The following GATA4 variants were observed in gnomAD, a reference collection of about 807,000 sequenced individuals.
The protein encoded by GATA4 is transcription factor GATA-4.
GATA4 carries 7 observed loss-of-function variants against 37.9 expected under a neutral mutation model. The observed-to-expected ratio is 0.18, with a 90% confidence interval of 0.11 to 0.35. The LOEUF is 0.35. Ranked by LOEUF, GATA4 falls within the 10% of genes least tolerant of loss-of-function variation. The pLI is 1.00. For missense variants in GATA4, 647 were observed against 653.0 expected (o/e 0.99, Z 0.10); for synonymous variants, 372 against 292.6 (o/e 1.27, Z -2.77).
At chr8:11,714,121 C>T (rs1339069767) in intron 2 of GATA4, among the ~76,000 whole-genome samples, 4 of 152,100 alleles carry the variant, frequency 2.6e-5, no homozygotes, top group Non-Finnish European at 5.9e-5. Flanking sequence ...GTAGGTGTTA[C>T]TGGAAAGGCT....
chr8:11,699,823 A>AT (rs534581951), upstream of GATA4, among the ~76,000 whole-genome samples: 129 of 152,374 alleles, frequency 8.5e-4, no homozygotes, highest in African/African-American at 3.0e-3. Flanking sequence ...GGGCTCTCAG[A>AT]TTATGAGATA....
chr8:11,710,726 G>T (rs927657973), intron 2 of GATA4, among the ~76,000 whole-genome samples: 5 of 151,110 alleles, frequency 3.3e-5, no homozygotes, highest in Admixed American at 3.3e-4. Flanking sequence ...GACTGGTCCA[G>T]GGAGAGTTTG....
intron 1 of GATA4, chr8:11,697,694 G>A (rs1585572843): frequency 1.0e-6 from 1 of 985,480 alleles, no homozygotes; most frequent in Admixed American, 6.1e-5. Flanking sequence ...GGCTGTTTTC[G>A]CACTTGGGCT....
intron 1 of GATA4, chr8:11,681,272 G>A (rs1798962280): frequency 1.0e-6 from 1 of 985,252 alleles, no homozygotes; most frequent in African/African-American, 1.7e-5. Flanking sequence ...GGATTCCCAG[G>A]CCTCCGCACG....
intron 2 of GATA4, among the ~76,000 whole-genome samples, chr8:11,746,888 T>G (rs1802059808): frequency 1.3e-5 from 2 of 152,236 alleles, no homozygotes; most frequent in South Asian, 4.1e-4. Flanking sequence ...ACCTGCACAC[T>G]GTTTACTTGG....
At chr8:11,699,459 A>G (rs960415854), upstream of GATA4, among the ~76,000 whole-genome samples, 8 of 152,190 alleles carry the variant, frequency 5.3e-5, no homozygotes, top group African/African-American at 1.7e-4. Context: ...CAGTCTGGGA[A>G]CCAGACTCCC....
chr8:11,733,146 A>C (rs1480423293), intron 2 of GATA4, among the ~76,000 whole-genome samples: 2 of 152,216 alleles, frequency 1.3e-5, no homozygotes, highest in Admixed American at 6.5e-5. Flanking sequence ...GCATAAAAGA[A>C]GACATGAATA....
chr8:11,686,770 C>T lies in GATA4; in HGVS notation c.-274+9707C>T, dbSNP rs190447245. On this transcript the variant is annotated intron_variant, in intron 1 of 6. Transcript: ENST00000528712. ...ATCCCAGCACTTTGGGAGGCCGAGGCGGTCAGATCACGAGGTCAGGAGTTC... is the reference window on the plus strand; with the variant it reads ...ATCCCAGCACTTTGGGAGGCCGAGGTGGTCAGATCACGAGGTCAGGAGTTC... 3.2e-3 allele frequency among the ~76,000 whole-genome samples: 487 copies of T among 152,230 alleles called. 4 individuals carry two copies. Among genetic ancestry groups the T allele is most frequent in the African/African-American group, 0.011 (459 of 41,538 alleles).
intron 2 of GATA4, among the ~76,000 whole-genome samples, chr8:11,730,728 T>A (rs1390276531): frequency 6.6e-6 from 1 of 152,206 alleles, no homozygotes; most frequent in Non-Finnish European, 1.5e-5. Flanking sequence ...GCCCTGGCAT[T>A]GTTTTGTTAT....
intron 2 of GATA4, among the ~76,000 whole-genome samples, chr8:11,741,366 C>G (rs1395065873): frequency 6.6e-6 from 1 of 152,030 alleles, no homozygotes; most frequent in Non-Finnish European, 1.5e-5. Context: ...GTAGTCCCAG[C>G]TACTCAGGAG....
At chr8:11,710,817 C>T (rs1209656919) in intron 2 of GATA4, among the ~76,000 whole-genome samples, 1 of 151,966 alleles carries the variant, frequency 6.6e-6, no homozygotes, top group Non-Finnish European at 1.5e-5. Flanking sequence ...GAGTTACATC[C>T]AGCAGTGTAA....
At chr8:11,688,277 G>T (rs1353765849), upstream of GATA4, among the ~76,000 whole-genome samples, 1 of 152,142 alleles carries the variant, frequency 6.6e-6, no homozygotes, top group Non-Finnish European at 1.5e-5. Flanking sequence ...ATATGAAAAA[G>T]AATAATACTT....
chr8:11,749,234 G>A lies in GATA4; in HGVS notation c.786+149G>A. On this transcript the variant is annotated intron_variant, in intron 3 of 6. Transcript: ENST00000532059. This position sits in a 1 kb window ranked among gnomAD's most constrained non-coding sequence, Gnocchi z 4.6. The stretch of plus-strand genomic sequence containing the variant: ...CCCCATAATAATTCTCACAACTTTA[G>A]AGTTAGCTGGAGCCACCAGAATGAT... 1 of 765,782 alleles carries A rather than the reference G, an allele frequency of 1.3e-6. No individual in the cohort carries two copies. Among genetic ancestry groups the A allele is most frequent in the Non-Finnish European group, 2.2e-6 (1 of 460,608 alleles). The allele number at this position is 765,782 out of a possible 1,614,324, so 47.4% of individuals were successfully genotyped here.
chr8:11,735,327 A>T (rs1425540639), intron 2 of GATA4, among the ~76,000 whole-genome samples: 1 of 152,240 alleles, frequency 6.6e-6, no homozygotes, highest in Non-Finnish European at 1.5e-5. Context: ...ATATAGATTA[A>T]TTGGAAGGAT....
rs116295655 is a variant in GATA4, at chr8:11,753,055, A to G, written c.913-1991A>G. Among the ~76,000 whole-genome samples, 106 of 152,352 alleles carry G rather than the reference A, an allele frequency of 7.0e-4. 1 individual carries two copies. The highest frequency in any genetic ancestry group is 2.3e-3 in the African/African-American group (95 of 41,576). On this transcript the variant is annotated intron_variant, in intron 4 of 6. Transcript: ENST00000532059. ...ACATGATCCAGCGTACCATTTCTGG[A>G]TATATACCCAAAATAATTAAAGGCA...
At chr8:11,755,262 T>G (rs141732474) in intron 5 of GATA4, 129 bp downstream of exon 5, 44 of 729,866 alleles carry the variant, frequency 6.0e-5, no homozygotes, top group Non-Finnish European at 1.0e-4. Context: ...CGGACATCCC[T>G]GGCCTTTCAG....
At chr8:11,724,424 A>C (rs1162275765) in intron 2 of GATA4, among the ~76,000 whole-genome samples, 1 of 152,170 alleles carries the variant, frequency 6.6e-6, no homozygotes, top group Non-Finnish European at 1.5e-5. Context: ...TATATCCTTC[A>C]TGGCATCTTT....
intron 2 of GATA4, among the ~76,000 whole-genome samples, chr8:11,723,064 C>T (rs1238641744): frequency 1.3e-5 from 2 of 152,166 alleles, no homozygotes; most frequent in African/African-American, 4.8e-5. Context: ...TCATGGACTT[C>T]AGCTGAGTAT....
intron 2 of GATA4, among the ~76,000 whole-genome samples, chr8:11,724,288 T>G (rs1800812753): frequency 6.6e-6 from 1 of 152,192 alleles, no homozygotes; most frequent in Non-Finnish European, 1.5e-5. Context: ...GGTGAACAAA[T>G]ATCTATTCAC....
Sources: gnomAD v4.1 joint callset for allele counts (sites outside exome capture counted in the v4.1 genomes callset) on GRCh38, gnomAD v4.1.1 for gene constraint, Gnocchi (gnomAD v3.1) non-coding constraint, MANE v1.5 for transcripts, NCBI Gene and HGNC (gene_info 2026-07-23, HGNC 2026-07-21) for gene names.